ARHGAP15: variants seen among roughly 807,000 people sequenced by gnomAD.
ARHGAP15 encodes Rho GTPase activating protein 15, also known as rho GTPase-activating protein 15.
In ARHGAP15, 51 loss-of-function variants were observed where a neutral mutation model predicts 63.7. That is an observed-to-expected ratio of 0.80 (90% CI 0.64 to 1.01). ARHGAP15 has a LOEUF of 1.01. ARHGAP15 is among the 50% of genes least tolerant of loss of function. The pLI, the probability that ARHGAP15 is intolerant of heterozygous loss-of-function variation, is 0.00. For missense variants in ARHGAP15, 560 were observed against 564.6 expected, an observed-to-expected ratio of 0.99 and a Z score of 0.08; for synonymous variants, 191 against 193.8, an observed-to-expected ratio of 0.99 and a Z score of 0.12.
chr2:143,739,983 C>T (rs1450124126), intron 13 of ARHGAP15, among the ~76,000 whole-genome samples: 1 of 152,204 alleles, frequency 6.6e-6, no homozygotes, highest in African/African-American at 2.4e-5. Context: ...TTCATAATCT[C>T]TCTTTTTGCA....
In ARHGAP15 at chr2:143,542,071, C is replaced by T. The variant is rs546366861; in HGVS notation, c.926-14337C>T. ...CTTTGCTTACCTACTCAAGCCTGAG[C>T]AATTGCGGGCACCCCTCCCCCAGCC... is the stretch of plus-strand genomic sequence containing the variant. On this transcript the variant is annotated intron_variant, in intron 10 of 13. Transcript: ENST00000295095. 2.8e-4 allele frequency among the ~76,000 whole-genome samples: 43 copies of T among 152,352 alleles called. 1 individual carries two copies. Among genetic ancestry groups the T allele is most frequent in the Admixed American group, 4.6e-4 (7 of 15,306 alleles).
At chr2:143,224,409 A>C (rs1029379823) in intron 4 of ARHGAP15, among the ~76,000 whole-genome samples, 2 of 152,168 alleles carry the variant, frequency 1.3e-5, no homozygotes, top group Non-Finnish European at 1.5e-5. Flanking sequence ...AAAATCTTTA[A>C]TAATCACCTA....
At position 143,768,328 on chromosome 2, in the gene ARHGAP15, C is replaced by T. The variant is rs1295790033; in HGVS notation, c.*156C>T. On this transcript the variant is annotated 3_prime_UTR_variant, in exon 14 of 14. Coordinates refer to ENST00000295095, the MANE Select transcript of ARHGAP15 (RefSeq NM_018460.4). ...GATGATTTTGTGTTTAAGTTCCAAACATTTGAATAAAATAATTGACAATAT... is the reference window on the plus strand; with the variant it reads ...GATGATTTTGTGTTTAAGTTCCAAATATTTGAATAAAATAATTGACAATAT... The T allele has an allele frequency of 4.1e-6, 3 of 726,398 alleles. No homozygotes were observed. The Admixed American group carries it at 8.9e-5, about 22-fold the overall frequency. The allele number at this position is 726,398 out of a possible 1,614,324, so 45.0% of individuals were successfully genotyped here.
intron 1 of ARHGAP15, among the ~76,000 whole-genome samples, chr2:143,133,487 T>C (rs1688991930): frequency 6.6e-6 from 1 of 152,228 alleles, no homozygotes; most frequent in Non-Finnish European, 1.5e-5. Context: ...TCCATTTATC[T>C]CACTGTGAAG....
At chr2:143,390,479 CTG>C (rs1001131336) in intron 6 of ARHGAP15, among the ~76,000 whole-genome samples, 3 of 152,118 alleles carry the variant, frequency 2.0e-5, no homozygotes, top group Admixed American at 6.5e-5. Flanking sequence ...GGGAAAGAGA[CTG>C]TGAGAGGACA....
At chr2:143,265,385 G>A (rs16858944) in intron 6 of ARHGAP15, among the ~76,000 whole-genome samples, 33,561 of 151,914 alleles carry the variant, frequency 0.22, 3,975 homozygotes, top group South Asian at 0.35. Flanking sequence ...AAGTTTTGGC[G>A]CTTCAAGAGC....
At chr2:143,680,589 C>G (rs1254707574) in intron 12 of ARHGAP15, among the ~76,000 whole-genome samples, 1 of 152,186 alleles carries the variant, frequency 6.6e-6, no homozygotes, top group Non-Finnish European at 1.5e-5. Context: ...TGGTTCTTCT[C>G]TTGGGCCTCC....
chr2:143,151,290 A>G (rs773679893), intron 1 of ARHGAP15, among the ~76,000 whole-genome samples: 2 of 151,964 alleles, frequency 1.3e-5, no homozygotes, highest in African/African-American at 2.4e-5. Context: ...TAAGACCACC[A>G]TGGAAGGGAT....
chr2:143,416,498 C>CCT (rs35295672), intron 6 of ARHGAP15, among the ~76,000 whole-genome samples: 90,042 of 151,736 alleles, frequency 0.59, 28,945 homozygotes, highest in Non-Finnish European at 0.74. Flanking sequence ...CTGGTCTCCC[C>CCT]GTTGTTCTTT....
intron 8 of ARHGAP15, among the ~76,000 whole-genome samples, chr2:143,453,237 T>C (rs1348319184): frequency 6.6e-6 from 1 of 151,968 alleles, no homozygotes; most frequent in Non-Finnish European, 1.5e-5. Context: ...CCAAGCAGTC[T>C]AACTTCACAG....
At chr2:143,645,462 G>T (rs1408070182) in intron 12 of ARHGAP15, among the ~76,000 whole-genome samples, 1 of 151,952 alleles carries the variant, frequency 6.6e-6, no homozygotes, top group Non-Finnish European at 1.5e-5. Context: ...TGCATACCCA[G>T]TTTGTACAAG....
chr2:143,207,032 TC>T (rs1307792615), intron 3 of ARHGAP15, among the ~76,000 whole-genome samples: 4 of 151,368 alleles, frequency 2.6e-5, no homozygotes, highest in Non-Finnish European at 4.4e-5. Flanking sequence ...ATATATAAAA[TC>T]CAAATTATAG....
chr2:143,659,851 T>G (rs896209265), intron 12 of ARHGAP15, among the ~76,000 whole-genome samples: 17 of 152,192 alleles, frequency 1.1e-4, no homozygotes, highest in Non-Finnish European at 1.5e-5. Flanking sequence ...TCTGCCCATT[T>G]CTCTGGCACT....
At chr2:143,351,725 T>A (rs2105315744) in intron 6 of ARHGAP15, among the ~76,000 whole-genome samples, 1 of 152,296 alleles carries the variant, frequency 6.6e-6, no homozygotes, top group Non-Finnish European at 1.5e-5. Context: ...CATTTTTCAA[T>A]CTTGTGTCTA....
intron 10 of ARHGAP15, among the ~76,000 whole-genome samples, chr2:143,548,887 G>C (rs1366442359): frequency 6.6e-6 from 1 of 151,952 alleles, no homozygotes; most frequent in Admixed American, 6.6e-5. Flanking sequence ...GAAAAGAAAA[G>C]GCTCACGAAA....
At chr2:143,661,186 C>G (rs1052735137) in intron 12 of ARHGAP15, among the ~76,000 whole-genome samples, 1 of 152,180 alleles carries the variant, frequency 6.6e-6, no homozygotes, top group Non-Finnish European at 1.5e-5. Context: ...AGATCAGGCC[C>G]ACCCCAATAA....
At chr2:143,517,355 A>C (rs1353395637) in intron 9 of ARHGAP15, among the ~76,000 whole-genome samples, 1 of 152,224 alleles carries the variant, frequency 6.6e-6, no homozygotes, top group Non-Finnish European at 1.5e-5. Context: ...ATTATGATTC[A>C]TTGAATTCTC....
At chr2:143,543,159 C>T (rs1695178656) in intron 10 of ARHGAP15, among the ~76,000 whole-genome samples, 1 of 151,808 alleles carries the variant, frequency 6.6e-6, no homozygotes. Flanking sequence ...GCATTCCCAC[C>T]AATAATATAA....
chr2:143,739,062 T>C (rs537143666), intron 13 of ARHGAP15, among the ~76,000 whole-genome samples: 4 of 152,224 alleles, frequency 2.6e-5, no homozygotes, highest in African/African-American at 7.2e-5. Flanking sequence ...TTATGGACAA[T>C]AGAACCAGCT....
Sources: allele counts gnomAD v4.1 joint callset (sites outside exome capture counted in the v4.1 genomes callset), GRCh38; gene constraint gnomAD v4.1.1; transcripts MANE v1.5; gene names NCBI Gene and HGNC (gene_info 2026-07-23, HGNC 2026-07-21).